Variants in PAK4 observed in about 807,000 individuals in gnomAD.
PAK4 encodes p21 (RAC1) activated kinase 4.
Under a neutral mutation model 53.5 loss-of-function variants are expected in PAK4, and 49 were observed. The observed-to-expected ratio is 0.92, with a 90% CI of 0.73 to 1.16. PAK4 has a LOEUF of 1.16. PAK4 is among the 50% of genes most tolerant of loss of function. The pLI is 0.00. For missense variants in PAK4, 824 were observed against 850.7 expected (o/e 0.97, Z 0.39); for synonymous variants, 376 against 375.6 (o/e 1.00, Z -0.01).
At chr19:39,164,156 A>G (rs568429801) in intron 1 of PAK4, among the ~76,000 whole-genome samples, 8 of 152,152 alleles carry the variant, frequency 5.3e-5, no homozygotes, top group African/African-American at 1.7e-4. Flanking sequence ...GGACGCCTGT[A>G]ATCCCAGCTT....
chr19:39,132,833 C>T (rs971239692), intron 1 of PAK4, among the ~76,000 whole-genome samples: 6 of 152,256 alleles, frequency 3.9e-5, no homozygotes, highest in African/African-American at 1.4e-4. Context: ...TGTCACCTGA[C>T]ATTCTCACCT....
At chr19:39,134,686 G>T (rs34846983) in intron 1 of PAK4, among the ~76,000 whole-genome samples, 36,110 of 150,732 alleles carry the variant, frequency 0.24, 4,719 homozygotes, top group East Asian at 0.4. Context: ...TGCAGCCTCT[G>T]CCTCCTGGGT....
chr19:39,133,501 A>C lies in PAK4; in HGVS notation c.-23+7582A>C, dbSNP rs144320253. On this transcript the variant is annotated intron_variant, in intron 1 of 8. Transcript: ENST00000358301. ...GGACCTGGCCCCGTCACAGAGCAAG[A>C]GGAACTGGGATTTGGATGCTGGAGG... Among the ~76,000 whole-genome samples, 303 of 152,136 alleles carry C rather than the reference A, an allele frequency of 2.0e-3. 2 individuals are homozygous for C. The highest frequency in any genetic ancestry group is 7.2e-3 in the African/African-American group (299 of 41,500).
At chr19:39,143,218 T>C (rs939051664) in intron 1 of PAK4, among the ~76,000 whole-genome samples, 1 of 150,430 alleles carries the variant, frequency 6.6e-6, no homozygotes, top group Non-Finnish European at 1.5e-5. Flanking sequence ...GCTGTGTCCC[T>C]GGTGCCTAGA....
chr19:39,140,290 A>G (rs1397011205), intron 1 of PAK4, among the ~76,000 whole-genome samples: 1 of 152,040 alleles, frequency 6.6e-6, no homozygotes, highest in Non-Finnish European at 1.5e-5. Context: ...CAGGCCCAGG[A>G]CATCCTTCTG....
At chr19:39,138,852 T>G (rs2073863818) in intron 1 of PAK4, among the ~76,000 whole-genome samples, 1 of 152,212 alleles carries the variant, frequency 6.6e-6, no homozygotes, top group South Asian at 2.1e-4. Context: ...GCAGCTCAGC[T>G]GGGGTCTCCC....
At chr19:39,152,115 T>G (rs1316695918) in intron 1 of PAK4, 5 of 151,782 alleles carry the variant, frequency 3.3e-5, no homozygotes, top group African/African-American at 1.2e-4. Context: ...TTTTTTTTTT[T>G]GTAGAGACGA....
chr19:39,173,672 C>A lies in PAK4; in HGVS notation c.760C>A (p.Arg254=). 6.3e-7 allele frequency: 1 copy of A among 1,587,836 alleles called. No homozygotes were observed. The highest frequency in any genetic ancestry group is 2.3e-5 in the East Asian group (1 of 43,852). ...CTCCTCCCGGCCTCCCACCCGAGCC[C>A]GAGGTGCCCCCAGCCCTGGAGTGCT... is the stretch of plus-strand genomic sequence containing the variant. Residue 254 remains arginine, a synonymous_variant, in exon 4 of 9, where the codon CGA becomes AGA. Coordinates refer to ENST00000358301, the Ensembl canonical transcript of PAK4. This position sits in a 1 kb window ranked among gnomAD's most constrained non-coding sequence, Gnocchi z 6.9.
chr19:39,173,691 G>C lies in PAK4; in HGVS notation c.779G>C (p.Gly260Ala). The C allele has an allele frequency of 6.3e-7, 1 of 1,587,010 alleles. No homozygotes were observed. Among genetic ancestry groups the C allele is most frequent in the Non-Finnish European group, 8.6e-7 (1 of 1,167,620 alleles). The change falls in exon 4 of 9, where the codon GGA becomes GCA. Residue 260 changes from glycine to alanine, a missense_variant. Gly to Ala is a moderately conservative substitution (Grantham distance 60). Coordinates refer to ENST00000358301, the Ensembl canonical transcript of PAK4. This position sits in a 1 kb window ranked among gnomAD's most constrained non-coding sequence, Gnocchi z 6.9. Reference sequence around the variant, plus strand: ...CGAGCCCGAGGTGCCCCCAGCCCTGGAGTGCTGGGACCCCACGCCTCAGAG... The same window carrying C: ...CGAGCCCGAGGTGCCCCCAGCCCTGCAGTGCTGGGACCCCACGCCTCAGAG...
intron 1 of PAK4, among the ~76,000 whole-genome samples, chr19:39,153,361 C>T (rs1260286762): frequency 6.6e-6 from 1 of 152,238 alleles, no homozygotes; most frequent in Non-Finnish European, 1.5e-5. Flanking sequence ...TGGGTTCAAG[C>T]AATTCTCGTA....
At chr19:39,151,608 C>A (rs1600348365) in intron 1 of PAK4, among the ~76,000 whole-genome samples, 2 of 152,344 alleles carry the variant, frequency 1.3e-5, no homozygotes, top group African/African-American at 4.8e-5. Context: ...CACGGTCCTT[C>A]CACACAGCTG....
chr19:39,165,152 G>T (rs913257814), intron 1 of PAK4, among the ~76,000 whole-genome samples: 1 of 149,248 alleles, frequency 6.7e-6, no homozygotes, highest in Non-Finnish European at 1.5e-5. Context: ...AACGGAGGGA[G>T]AGGGGAGGCC....
chr19:39,166,458 A>T (rs1168404027), intron 1 of PAK4, among the ~76,000 whole-genome samples: 1 of 152,196 alleles, frequency 6.6e-6, no homozygotes, highest in Admixed American at 6.5e-5. Context: ...AAATAAATAA[A>T]TACTCCACGA....
At chr19:39,165,545 AATAAATAAAAT>A (rs1233053318) in intron 1 of PAK4, among the ~76,000 whole-genome samples, 1 of 135,124 alleles carries the variant, frequency 7.4e-6, no homozygotes, top group Non-Finnish European at 1.7e-5. Flanking sequence ...TAAATAAATA[AATAAATAAAAT>A]AATAATAGAC....
At chr19:39,177,000 C>G (rs1421857568) in intron 7 of PAK4, among the ~76,000 whole-genome samples, 2 of 152,140 alleles carry the variant, frequency 1.3e-5, no homozygotes, top group East Asian at 3.9e-4. Flanking sequence ...TCCCGAGAAG[C>G]TGGTTTTACA....
downstream of PAK4, chr19:39,181,105 T>C (rs917624406): frequency 1.3e-5 from 2 of 152,138 alleles, no homozygotes; most frequent in African/African-American, 2.4e-5. Flanking sequence ...TTGAGTTTTT[T>C]TGTTTTTTGT....
chr19:39,176,468 C>A, intron 6 of PAK4, 122 bp from the exon 8 acceptor site: 2 of 1,348,796 alleles, frequency 1.5e-6, no homozygotes, highest in Non-Finnish European at 1.0e-6. Flanking sequence ...GACCCTAGAC[C>A]CCAGCTCTGA....
chr19:39,150,037 T>C (rs2145185114), intron 1 of PAK4, among the ~76,000 whole-genome samples: 1 of 152,336 alleles, frequency 6.6e-6, no homozygotes, highest in African/African-American at 2.4e-5. Flanking sequence ...TGTGGATATA[T>C]TTAATGCCAC....
At chr19:39,157,062 CCT>C (rs1468877230) in intron 1 of PAK4, among the ~76,000 whole-genome samples, 3 of 152,094 alleles carry the variant, frequency 2.0e-5, no homozygotes, top group Admixed American at 1.3e-4. Flanking sequence ...GGTCCCTGAG[CCT>C]CTCTGTGGGA....
Sources: gnomAD v4.1 joint callset for allele counts (sites outside exome capture counted in the v4.1 genomes callset) on GRCh38, gnomAD v4.1.1 for gene constraint, Gnocchi (gnomAD v3.1) non-coding constraint, MANE v1.5 for transcripts, NCBI Gene and HGNC (gene_info 2026-07-23, HGNC 2026-07-21) for gene names.